The following OTULIN variants were observed in gnomAD, a reference collection of about 807,000 sequenced individuals.
OTULIN encodes the protein OTU deubiquitinase with linear linkage specificity.
In OTULIN, 15 loss-of-function variants were observed where a neutral mutation model predicts 39.6. That is an observed-to-expected ratio of 0.38 (90% CI 0.25 to 0.58). The LOEUF (loss-of-function observed/expected upper bound fraction) is 0.58, where lower values mean the gene tolerates loss of function less well. OTULIN is among the 20% of genes least tolerant of loss of function. The pLI is 0.66. For synonymous variants in OTULIN, 156 were observed against 170.3 expected (o/e 0.92, Z 0.65); for missense variants, 319 against 445.9 (o/e 0.72, Z 2.56).
chr5:14,689,722 T>G (rs1396680246), intron 5 of OTULIN, among the ~76,000 whole-genome samples: 1 of 152,186 alleles, frequency 6.6e-6, no homozygotes, highest in African/African-American at 2.4e-5. Flanking sequence ...CACACACATG[T>G]GTTAGCTCTT....
intron 1 of OTULIN, among the ~76,000 whole-genome samples, chr5:14,669,325 G>A (rs1278878354): frequency 5.9e-5 from 9 of 152,052 alleles, no homozygotes; most frequent in Non-Finnish European, 1.2e-4. Context: ...AGACTGCGCC[G>A]TTGCACTCCA....
In OTULIN at chr5:14,690,921, G is replaced by A. The variant is rs1175556752; in HGVS notation, c.864+613G>A. On this transcript the variant is annotated intron_variant, in intron 6 of 6. Coordinates refer to ENST00000284274, the MANE Select transcript of OTULIN (RefSeq NM_138348.6). The surrounding 1 kb of genome is among the most constrained non-coding windows in gnomAD (Gnocchi z 4.5). ...CTTGGCTCTGGGAGGCTACAAATAA[G>A]TGAAGTACTTGGAAGAGCCATTCGA... Among the ~76,000 whole-genome samples, 3 of 152,206 alleles carry A rather than the reference G, an allele frequency of 2.0e-5. No individual in the cohort carries two copies. Among genetic ancestry groups the A allele is most frequent in the African/African-American group, 4.8e-5 (2 of 41,446 alleles).
rs767444462 is a variant in OTULIN at position 14,681,599 on chromosome 5, C to G, written c.460C>G (p.Leu154Val). 1.2e-6 allele frequency: 2 copies of G among 1,610,236 alleles called. No individual in the cohort carries two copies. Among genetic ancestry groups the G allele is most frequent in the Admixed American group, 3.4e-5 (2 of 58,670 alleles). Residue 154 changes from leucine to valine, a missense_variant, in exon 4 of 7, where the codon CTC (leucine) becomes GTC (valine). Around this residue, in one of 4 missense-constraint regions of OTULIN, gnomAD observed 54 missense variants for 50.7 expected, o/e 1.07. Transcript: ENST00000284274. Reference sequence around the variant, plus strand: ...GCCGCCCTGGCTGCAGGACCCGGAGCTCATGCTGGTACGCTGCTGCTGCAG... The same window carrying G: ...GCCGCCCTGGCTGCAGGACCCGGAGGTCATGCTGGTACGCTGCTGCTGCAG... ...GLPPWLQDPE[L>V]MLLPEKLISK...
chr5:14,700,007 C>A (rs1736765930), downstream of OTULIN, among the ~76,000 whole-genome samples: 1 of 152,218 alleles, frequency 6.6e-6, no homozygotes, highest in African/African-American at 2.4e-5. Flanking sequence ...TAGGCTCTTA[C>A]AACACTGGCT....
intron 4 of OTULIN, among the ~76,000 whole-genome samples, chr5:14,687,286 T>C (rs1736410510): frequency 6.6e-6 from 1 of 152,330 alleles, no homozygotes; most frequent in Admixed American, 6.5e-5. Flanking sequence ...GATTGTGCTT[T>C]GGCTCAACCA....
chr5:14,712,300 G>GT, the OTULIN span, among the ~76,000 whole-genome samples: 1 of 152,304 alleles, frequency 6.6e-6, no homozygotes, highest in African/African-American at 2.4e-5. Context: ...TTGACCAACT[G>GT]TTTCCCCACC....
chr5:14,680,048 C>A (rs912088437), intron 3 of OTULIN, among the ~76,000 whole-genome samples: 1 of 152,066 alleles, frequency 6.6e-6, no homozygotes, highest in Non-Finnish European at 1.5e-5. Context: ...GTTTTTGTTT[C>A]GAATATTCTT....
rs527894176 is a variant in OTULIN, at chr5:14,669,235, G to T, written c.152+4258G>T. ...CAAAAATTAGCCGGGTGTGGTGGCA[G>T]ACGCCTGTAATCCCAGTTACTCAGG... is the stretch of plus-strand genomic sequence containing the variant. On this transcript the variant is annotated intron_variant, in intron 1 of 6. Transcript: ENST00000284274. 7.2e-5 allele frequency among the ~76,000 whole-genome samples: 11 copies of T among 152,172 alleles called. No homozygotes were observed. In the South Asian group the frequency reaches 2.3e-3, roughly 32 times the overall value.
chr5:14,681,706 G>A, intron 4 of OTULIN, 99 bp downstream of exon 4: 1 of 1,335,856 alleles, frequency 7.5e-7, no homozygotes, highest in Non-Finnish European at 9.9e-7. Flanking sequence ...ATCGTCTGCA[G>A]TATGATGTCA....
intron 3 of OTULIN, among the ~76,000 whole-genome samples, chr5:14,681,012 A>G (rs1194010632): frequency 6.6e-6 from 1 of 152,184 alleles, no homozygotes; most frequent in African/African-American, 2.4e-5. Context: ...GTGAGCCGAG[A>G]TTGCGCCACT....
chr5:14,677,930 A>T (rs767669747), intron 2 of OTULIN, among the ~76,000 whole-genome samples: 1 of 152,216 alleles, frequency 6.6e-6, no homozygotes, highest in Non-Finnish European at 1.5e-5. Flanking sequence ...AAAAGTATTC[A>T]TGAGCACCTG....
the OTULIN span, chr5:14,710,135 T>TA: frequency 6.6e-6 from 1 of 152,192 alleles, no homozygotes; most frequent in Non-Finnish European, 1.5e-5. Flanking sequence ...GGGAGGGAAG[T>TA]ACCGTAGTAC....
At chr5:14,677,858 G>T (rs1479741782) in intron 2 of OTULIN, among the ~76,000 whole-genome samples, 1 of 152,178 alleles carries the variant, frequency 6.6e-6, no homozygotes. Flanking sequence ...ATAAAAAACT[G>T]ATTACTCATT....
the OTULIN span, among the ~76,000 whole-genome samples, chr5:14,714,161 C>T: frequency 6.6e-6 from 1 of 152,230 alleles, no homozygotes; most frequent in Non-Finnish European, 1.5e-5. Context: ...CCACTTCCCT[C>T]TGTTCTTTCC....
chr5:14,688,237 C>T (rs1036125945), intron 5 of OTULIN, among the ~76,000 whole-genome samples: 2 of 152,120 alleles, frequency 1.3e-5, no homozygotes, highest in East Asian at 3.9e-4. Flanking sequence ...CCTGCCTGCA[C>T]ACTGGCTTAC....
Position 14,698,681 on chromosome 5 carries a change from C to CT in OTULIN, c.*5634dup, listed in dbSNP as rs878856531. The stretch of plus-strand genomic sequence containing the variant: ...GCAGATTGTGCTATTACATTGGGCT[C>CT]TAACTTTCTGGCACCCGCAAGGCAG... On this transcript the variant is annotated 3_prime_UTR_variant, in exon 7 of 7. Coordinates refer to ENST00000284274, the MANE Select transcript of OTULIN (RefSeq NM_138348.6). The CT allele has an allele frequency of 2.0e-5, 3 of 152,380 alleles. No homozygotes were observed. In the South Asian group the frequency reaches 6.2e-4, roughly 32 times the overall value. 9.4% of individuals were successfully genotyped at this position (152,380 alleles called of 1,614,324 possible).
In OTULIN at chr5:14,664,809, C is replaced by A; in HGVS notation, c.-17C>A. On this transcript the variant is annotated 5_prime_UTR_variant, in exon 1 of 7. Coordinates refer to ENST00000284274, the MANE Select transcript of OTULIN (RefSeq NM_138348.6). ...TCGTTCGGAGCCGGCTGAACCCCTT[C>A]GGCCGCGAGCGACCGCATGAGTCGG... The A allele has an allele frequency of 2.5e-6, 3 of 1,211,300 alleles. No individual in the cohort carries two copies. Among genetic ancestry groups the A allele is most frequent in the South Asian group, 3.9e-5 (1 of 25,870 alleles). 75.0% of individuals were successfully genotyped at this position (1,211,300 alleles called of 1,614,324 possible).
chr5:14,683,331 G>A (rs549475097), intron 4 of OTULIN, among the ~76,000 whole-genome samples: 2 of 152,218 alleles, frequency 1.3e-5, no homozygotes, highest in South Asian at 2.1e-4. Context: ...ATCTTAAGCC[G>A]ATTTTTCAGT....
At position 14,698,118 on chromosome 5, in the gene OTULIN, A is replaced by C. The variant is rs1736719258; in HGVS notation, c.*5070A>C. 1 of 152,226 alleles carries C rather than the reference A, an allele frequency of 6.6e-6. No homozygotes were observed. The highest frequency in any genetic ancestry group is 1.5e-5 in the Non-Finnish European group (1 of 68,038). 9.4% of individuals were successfully genotyped at this position (152,226 alleles called of 1,614,324 possible). On this transcript the variant is annotated 3_prime_UTR_variant, in exon 7 of 7. Transcript: ENST00000284274. ...TTCTCATTTCCATTGTTTTTATAAA[A>C]ATATTTTGGTATTGTTGCCTGCATT...
Sources: gnomAD v4.1 joint callset for allele counts (sites outside exome capture counted in the v4.1 genomes callset) on GRCh38, gnomAD v4.1.1 for gene constraint, gnomAD v4.1.1 regional missense constraint, Gnocchi (gnomAD v3.1) non-coding constraint, MANE v1.5 for transcripts, NCBI Gene and HGNC (gene_info 2026-07-23, HGNC 2026-07-21) for gene names.